Variants in STK39 observed in about 807,000 individuals in gnomAD.
STK39 encodes STE20/SPS1-related proline-alanine-rich protein kinase.
In STK39, 20 loss-of-function variants were observed where a neutral mutation model predicts 77.8. The observed-to-expected ratio is 0.26, with a 90% confidence interval of 0.18 to 0.37. The LOEUF (loss-of-function observed/expected upper bound fraction) is 0.37. Ranked by LOEUF, STK39 falls within the 10% of genes least tolerant of loss-of-function variation. STK39 has a pLI of 1.00. For synonymous variants in STK39, 246 were observed against 234.1 expected (o/e 1.05, Z -0.47); for missense variants, 479 against 656.5 (o/e 0.73, Z 2.95).
At chr2:168,123,593 G>A (rs542416777) in intron 10 of STK39, among the ~76,000 whole-genome samples, 1 of 152,194 alleles carries the variant, frequency 6.6e-6, no homozygotes, top group Non-Finnish European at 1.5e-5. Context: ...AACAAGCCAG[G>A]CACCAATGGC....
chr2:168,023,609 C>T (rs551122770), intron 14 of STK39, among the ~76,000 whole-genome samples: 2 of 152,292 alleles, frequency 1.3e-5, no homozygotes, highest in South Asian at 4.1e-4. Flanking sequence ...ATCCTTCAGC[C>T]TCACATTACC....
chr2:168,056,860 T>G (rs999815252), intron 14 of STK39, among the ~76,000 whole-genome samples: 1 of 152,176 alleles, frequency 6.6e-6, no homozygotes, highest in Non-Finnish European at 1.5e-5. Flanking sequence ...CAGGATGGTT[T>G]AGAGAATAGC....
At chr2:168,103,806 T>C (rs1366306693) in intron 10 of STK39, among the ~76,000 whole-genome samples, 1 of 152,230 alleles carries the variant, frequency 6.6e-6, no homozygotes, top group African/African-American at 2.4e-5. Flanking sequence ...TCTTTCATAA[T>C]TACTTATTTA....
At chr2:168,087,620 C>T (rs1205057488) in intron 10 of STK39, among the ~76,000 whole-genome samples, 1 of 152,212 alleles carries the variant, frequency 6.6e-6, no homozygotes, top group Admixed American at 6.5e-5. Flanking sequence ...GAATGTTAGG[C>T]TTGCCTAGAC....
chr2:168,176,874 A>T (rs1164214768), intron 2 of STK39, among the ~76,000 whole-genome samples: 1 of 152,162 alleles, frequency 6.6e-6, no homozygotes, highest in East Asian at 1.9e-4. Flanking sequence ...ACCATGCATG[A>T]TTTGCTAGTA....
chr2:167,974,876 A>G (rs924162704), intron 16 of STK39, among the ~76,000 whole-genome samples: 1 of 152,192 alleles, frequency 6.6e-6, no homozygotes, highest in African/African-American at 2.4e-5. Flanking sequence ...TTTAATGAAA[A>G]GACTGACTGG....
chr2:167,957,998 TC>T (rs963178906), intron 17 of STK39, among the ~76,000 whole-genome samples: 42 of 152,352 alleles, frequency 2.8e-4, no homozygotes, highest in African/African-American at 1.0e-3. Context: ...CGCTCAGCCC[TC>T]CTTCCTCTGC....
At chr2:168,044,105 A>G (rs886869288) in intron 14 of STK39, among the ~76,000 whole-genome samples, 5 of 152,198 alleles carry the variant, frequency 3.3e-5, no homozygotes, top group South Asian at 2.1e-4. Context: ...TCACTTTTAT[A>G]TGGCTCCTTT....
intron 8 of STK39, 34 bp from the exon 9 acceptor site, chr2:168,129,792 A>G (rs1687633230): frequency 6.2e-7 from 1 of 1,609,314 alleles, no homozygotes; most frequent in African/African-American, 1.3e-5. Flanking sequence ...AGTTGAAACA[A>G]TGACCACTTA....
chr2:168,102,424 A>C (rs1023460127), intron 10 of STK39, among the ~76,000 whole-genome samples: 2 of 152,182 alleles, frequency 1.3e-5, no homozygotes, highest in African/African-American at 4.8e-5. Context: ...GGTAAAAACC[A>C]ATCCGTATTC....
chr2:168,157,651 T>G (rs560037287), intron 5 of STK39, among the ~76,000 whole-genome samples: 1 of 152,252 alleles, frequency 6.6e-6, no homozygotes, highest in East Asian at 1.9e-4. Flanking sequence ...ATAAAGGCAC[T>G]GGCCCTACTC....
chr2:168,023,732 G>GT (rs1247723036), intron 14 of STK39, among the ~76,000 whole-genome samples: 1 of 152,152 alleles, frequency 6.6e-6, no homozygotes, highest in Admixed American at 6.5e-5. Flanking sequence ...ATCAGAAACA[G>GT]TAAGTGTCAC....
intron 16 of STK39, among the ~76,000 whole-genome samples, chr2:167,988,192 C>G (rs1192045051): frequency 2.6e-5 from 4 of 152,166 alleles, no homozygotes; most frequent in Non-Finnish European, 4.4e-5. Flanking sequence ...AGAATTAGGA[C>G]TAGAGAGGCA....
At chr2:168,037,942 C>T (rs984450484) in intron 14 of STK39, among the ~76,000 whole-genome samples, 5 of 152,048 alleles carry the variant, frequency 3.3e-5, no homozygotes, top group African/African-American at 9.7e-5. Context: ...GCTGTAATGA[C>T]TCACCATCAT....
At chr2:168,210,831 A>G (rs961542148) in intron 1 of STK39, among the ~76,000 whole-genome samples, 4 of 152,176 alleles carry the variant, frequency 2.6e-5, no homozygotes, top group African/African-American at 9.6e-5. Context: ...CAAACTTTGA[A>G]TAACGGATTT....
At chr2:168,166,740 C>T (rs561655591) in intron 3 of STK39, among the ~76,000 whole-genome samples, 8 of 152,264 alleles carry the variant, frequency 5.3e-5, no homozygotes, top group African/African-American at 1.4e-4. Context: ...GCTTAAGAGT[C>T]ACATGGGATT....
At chr2:168,041,310 A>C (rs1685098784) in intron 14 of STK39, among the ~76,000 whole-genome samples, 1 of 150,914 alleles carries the variant, frequency 6.6e-6, no homozygotes. Flanking sequence ...TATTTAAAAT[A>C]ATAAAAGTTC....
intron 14 of STK39, among the ~76,000 whole-genome samples, chr2:168,036,836 G>A (rs1035554116): frequency 3.9e-5 from 6 of 152,186 alleles, no homozygotes; most frequent in African/African-American, 7.2e-5. Context: ...AAGAGACAGA[G>A]AGACTTGTAG....
At chr2:168,168,958 G>A (rs1437729503) in intron 2 of STK39, among the ~76,000 whole-genome samples, 1 of 152,256 alleles carries the variant, frequency 6.6e-6, no homozygotes. Context: ...ACTCCAGCCT[G>A]AGTGACAAAG....
Sources: gnomAD v4.1 joint callset for allele counts (sites outside exome capture counted in the v4.1 genomes callset) on GRCh38, gnomAD v4.1.1 for gene constraint, MANE v1.5 for transcripts, NCBI Gene and HGNC (gene_info 2026-07-23, HGNC 2026-07-21) for gene names.